The following IL12RB1 variants were observed in gnomAD, a reference collection of about 807,000 sequenced individuals.
The protein encoded by IL12RB1 is interleukin-12 receptor subunit beta-1.
IL12RB1 carries 64 observed loss-of-function variants against 94.4 expected under a neutral mutation model. The ratio of observed to expected loss-of-function variants is 0.68; its 90% CI spans 0.55 to 0.83. The LOEUF (loss-of-function observed/expected upper bound fraction) is 0.83, where lower values mean the gene tolerates loss of function less well. IL12RB1 is among the 40% of genes least tolerant of loss of function. The probability of loss-of-function intolerance (pLI) is 0.00; values close to 1 mark genes in which losing one functional copy is unlikely to be tolerated. For synonymous variants in IL12RB1, 362 were observed against 355.5 expected (o/e 1.02, Z -0.21); for missense variants, 814 against 855.6 (o/e 0.95, Z 0.61).
intron 2 of IL12RB1, chr19:18,083,135 G>GC: frequency 1.8e-6 from 1 of 552,842 alleles, no homozygotes. Flanking sequence ...TTGGGGGGGG[G>GC]GCTTCAAAAT....
At chr19:18,064,808 T>C (rs923113904) in intron 12 of IL12RB1, among the ~76,000 whole-genome samples, 1 of 151,950 alleles carries the variant, frequency 6.6e-6, no homozygotes, top group Admixed American at 6.6e-5. Flanking sequence ...GGATCTGAGG[T>C]TGGAGGCAGG....
rs2034750949 is a variant in IL12RB1 at position 18,068,386 on chromosome 19, T to TA, written c.1327+2dup. 1.9e-6 allele frequency: 3 copies of TA among 1,607,482 alleles called. No individual in the cohort carries two copies. Among genetic ancestry groups the TA allele is most frequent in the Admixed American group, 1.7e-5 (1 of 58,216 alleles). ...TGTAAACCTGCAGGTTTGGGTCACT[T>TA]ACCATTGCCCCCAAAGTGGTAGGTG... On this transcript the variant is annotated splice_region_variant and intron_variant, in intron 11 of 16. Transcript: ENST00000593993.
chr19:18,084,689 C>A (rs557216611), intron 1 of IL12RB1, among the ~76,000 whole-genome samples: 3,880 of 125,294 alleles, frequency 0.031, 67 homozygotes, highest in Non-Finnish European at 0.039. Context: ...ATCCATCCAT[C>A]CATCCATCCA....
intron 12 of IL12RB1, among the ~76,000 whole-genome samples, chr19:18,064,508 T>A (rs985201123): frequency 8.0e-5 from 12 of 150,856 alleles, no homozygotes. Flanking sequence ...AGTCTCACTC[T>A]GTTGCCCAGG....
chr19:18,081,941 C>T (rs948592813), intron 3 of IL12RB1, among the ~76,000 whole-genome samples: 3 of 152,050 alleles, frequency 2.0e-5, no homozygotes, highest in Non-Finnish European at 4.4e-5. Flanking sequence ...TAGAGAGACC[C>T]TCATGGCCAC....
chr19:18,084,791 CA>C (rs2036217317), intron 1 of IL12RB1, among the ~76,000 whole-genome samples: 1 of 152,224 alleles, frequency 6.6e-6, no homozygotes, highest in Admixed American at 6.5e-5. Flanking sequence ...CTTTAGTCCT[CA>C]GAGGTTGAGA....
Position 18,068,497 on chromosome 19 carries a change from C to A in IL12RB1, c.1219G>T (p.Ala407Ser). Residue 407 changes from alanine (A) to serine (S), a missense_variant, in exon 11 of 17, where the codon GCA becomes TCA. By Grantham distance (99) the Ala-to-Ser change is moderately conservative. Coordinates refer to ENST00000593993, the MANE Select transcript of IL12RB1 (RefSeq NM_005535.3). ...TAGTAACACTTTTCCTGCCCCATTG[C>A]CCCAGACTCTCGACTCCAGCTGTAG... The part of the protein sequence containing the change: ...ATYSWSRESG[A>S]MGQEKCYYIT... The A allele has an allele frequency of 1.2e-6, 2 of 1,612,242 alleles. No homozygotes were observed. The highest frequency in any genetic ancestry group is 1.7e-6 in the Non-Finnish European group (2 of 1,178,544).
Position 18,059,285 on chromosome 19 carries a change from C to T in IL12RB1, c.*323G>A. 2.1e-6 allele frequency: 1 copy of T among 478,228 alleles called. No individual in the cohort carries two copies. Among genetic ancestry groups the T allele is most frequent in the Non-Finnish European group, 3.8e-6 (1 of 260,052 alleles). 29.6% of individuals were successfully genotyped at this position (478,228 alleles called of 1,614,324 possible). A position where few individuals can be genotyped will look rare whatever the true frequency, so the allele number is the denominator to read the frequency against. On this transcript the variant is annotated 3_prime_UTR_variant, in exon 17 of 17. Transcript: ENST00000593993. Reference sequence around the variant, plus strand: ...GAGTCCAGACTCCCCATCCAGTGCTCCTGGGGGTGGATGCCCAGCCCAGGG... The same window carrying T: ...GAGTCCAGACTCCCCATCCAGTGCTTCTGGGGGTGGATGCCCAGCCCAGGG...
At chr19:18,072,074 G>C (rs756292530) in intron 9 of IL12RB1, 38 bp downstream of exon 9, 1 of 1,368,754 alleles carries the variant, frequency 7.3e-7, no homozygotes, top group East Asian at 2.3e-5. Context: ...TCAGCTCTGA[G>C]GGGCCCTCAT....
At chr19:18,079,240 A>C (rs899486398) in intron 4 of IL12RB1, among the ~76,000 whole-genome samples, 26 of 151,712 alleles carry the variant, frequency 1.7e-4, no homozygotes, top group African/African-American at 5.1e-4. Context: ...AGTAGCTGGA[A>C]TTACAGGCGC....
At chr19:18,065,468 T>A (rs2034507209) in intron 12 of IL12RB1, among the ~76,000 whole-genome samples, 2 of 152,222 alleles carry the variant, frequency 1.3e-5, no homozygotes, top group South Asian at 4.2e-4. Flanking sequence ...TCATGACTAA[T>A]CCCAGCACTT....
Position 18,073,588 on chromosome 19 carries a change from G to C in IL12RB1, c.712C>G (p.Gln238Glu), listed in dbSNP as rs200977237. The change falls in exon 8 of 17, where the codon CAG (glutamine) becomes GAG (glutamate). Residue 238 changes from glutamine (Q) to glutamate (E), a missense_variant. By Grantham distance (29) the Gln-to-Glu change is conservative. Transcript: ENST00000593993. Reference sequence around the variant, plus strand: ...TCCACCGAGAATCTCACCTGAGGCTGTGGGGGGTTTTCTGCAATCAGAACC... The same window carrying C: ...TCCACCGAGAATCTCACCTGAGGCTCTGGGGGGTTTTCTGCAATCAGAACC... ...PVCVPPENPP[Q>E]PQVRFSVEQL... The C allele has an allele frequency of 4.1e-4, 661 of 1,610,254 alleles. 1 individual carries two copies. Among genetic ancestry groups the C allele is most frequent in the Non-Finnish European group, 5.4e-4 (638 of 1,176,838 alleles).
intron 1 of IL12RB1, among the ~76,000 whole-genome samples, chr19:18,086,000 G>A (rs1459286892): frequency 6.6e-6 from 1 of 151,814 alleles, no homozygotes; most frequent in East Asian, 2.0e-4. Context: ...TGGATCATTT[G>A]AGCCCAGGAG....
upstream of IL12RB1, chr19:18,086,963 AG>A: frequency 6.5e-7 from 1 of 1,532,166 alleles, no homozygotes; most frequent in Non-Finnish European, 8.8e-7. Flanking sequence ...AAAAAAGTAA[AG>A]TGTCACAGCC....
rs1413050421 is a variant in IL12RB1, at chr19:18,069,721, G to A, written c.1022-8C>T. 1 of 1,601,734 alleles carries A rather than the reference G, an allele frequency of 6.2e-7. No homozygotes were observed. The highest frequency in any genetic ancestry group is 2.2e-5 in the East Asian group (1 of 44,820). The stretch of plus-strand genomic sequence containing the variant: ...TATTCAGAGCCACTGGTTCTGGAAG[G>A]AGAGGGGAGAGACGCATCGAGACAG... On this transcript the variant is annotated splice_polypyrimidine_tract_variant and splice_region_variant and intron_variant, in intron 9 of 16. Transcript: ENST00000593993.
At chr19:18,077,987 TG>T (rs1169267300) in intron 4 of IL12RB1, among the ~76,000 whole-genome samples, 1 of 152,074 alleles carries the variant, frequency 6.6e-6, no homozygotes, top group Non-Finnish European at 1.5e-5. Flanking sequence ...TTCATGACTG[TG>T]GTTCCAGCTA....
chr19:18,085,645 T>TATCTCA (rs776055683), intron 1 of IL12RB1, among the ~76,000 whole-genome samples: 2 of 152,040 alleles, frequency 1.3e-5, no homozygotes, highest in Non-Finnish European at 1.5e-5. Context: ...AGTCTTGCTC[T>TATCTCA]GCCACACAGG....
chr19:18,083,983 GTATT>G (rs1437908876), intron 1 of IL12RB1, among the ~76,000 whole-genome samples: 64 of 113,542 alleles, frequency 5.6e-4, no homozygotes, highest in African/African-American at 2.1e-3. Context: ...ATCCATCCAT[GTATT>G]CATCCATCCA....
At chr19:18,066,887 C>G (rs1336553077) in intron 11 of IL12RB1, among the ~76,000 whole-genome samples, 190 bp from the exon 12 acceptor site, 1 of 152,040 alleles carries the variant, frequency 6.6e-6, no homozygotes, top group Non-Finnish European at 1.5e-5. Context: ...ATTAGCCAGG[C>G]ATGGTGGCGG....
Sources: gnomAD v4.1 joint callset for allele counts (sites outside exome capture counted in the v4.1 genomes callset) on GRCh38, gnomAD v4.1.1 for gene constraint, MANE v1.5 for transcripts, NCBI Gene and HGNC (gene_info 2026-07-23, HGNC 2026-07-21) for gene names.